SGIP1: variants seen among roughly 807,000 people sequenced by gnomAD.
SGIP1 encodes SH3GL interacting endocytic adaptor 1, also known as SH3-containing GRB2-like protein 3-interacting protein 1.
Under a neutral mutation model 107.5 loss-of-function variants are expected in SGIP1, and 38 were observed. The observed-to-expected ratio is 0.35, with a 90% CI of 0.27 to 0.46. SGIP1 has a LOEUF of 0.46. Ranked by LOEUF, SGIP1 falls within the 20% of genes least tolerant of loss-of-function variation. SGIP1 has a pLI of 1.00. For missense variants in SGIP1, 929 were observed against 1,019.5 expected, an observed-to-expected ratio of 0.91 and a Z score of 1.21; for synonymous variants, 365 against 366.1, an observed-to-expected ratio of 1.00 and a Z score of 0.03.
At chr1:66,739,231 C>T (rs1055062555) in intron 21 of SGIP1, 104 bp from the exon 22 acceptor site, 4 of 1,289,000 alleles carry the variant, frequency 3.1e-6, no homozygotes, top group Non-Finnish European at 4.3e-6. Flanking sequence ...GTGCCTCTCA[C>T]TCACGGTTGC....
At chr1:66,674,688 A>G (rs1571638245) in intron 12 of SGIP1, among the ~76,000 whole-genome samples, 1 of 152,220 alleles carries the variant, frequency 6.6e-6, no homozygotes, top group South Asian at 2.1e-4. Context: ...TGTTACTTTT[A>G]TCTCTGGCTC....
At chr1:66,601,107 T>C (rs2065714907) in intron 1 of SGIP1, among the ~76,000 whole-genome samples, 1 of 152,156 alleles carries the variant, frequency 6.6e-6, no homozygotes, top group Non-Finnish European at 1.5e-5. Context: ...CTCACGCCTG[T>C]AATCCCAGCA....
chr1:66,673,216 A>C, intron 11 of SGIP1, 65 bp from the exon 12 acceptor site: 1 of 1,487,796 alleles, frequency 6.7e-7, no homozygotes, highest in Non-Finnish European at 9.4e-7. Flanking sequence ...GAAAGCTTGT[A>C]TATCTTTTTG....
chr1:66,735,403 C>T (rs1171872488), intron 21 of SGIP1, among the ~76,000 whole-genome samples: 9 of 151,756 alleles, frequency 5.9e-5, no homozygotes, highest in South Asian at 2.1e-4. Context: ...TCGATAGAGA[C>T]GGGGTTTCAC....
chr1:66,637,785 ATATGCATGTGTGTG>A (rs1422100872), intron 4 of SGIP1, among the ~76,000 whole-genome samples: 1 of 150,600 alleles, frequency 6.6e-6, no homozygotes, highest in Non-Finnish European at 1.5e-5. Context: ...CTATTTATAT[ATATGCATGTGTGTG>A]TATGTATGTG....
intron 1 of SGIP1, among the ~76,000 whole-genome samples, chr1:66,564,641 C>T (rs2059407873): frequency 6.6e-6 from 1 of 151,896 alleles, no homozygotes; most frequent in African/African-American, 2.4e-5. Flanking sequence ...ACAATACAAG[C>T]AGGAAATCAT....
intron 8 of SGIP1, among the ~76,000 whole-genome samples, chr1:66,660,860 T>C (rs567608228): frequency 6.6e-6 from 1 of 152,352 alleles, no homozygotes; most frequent in South Asian, 2.1e-4. Context: ...CTTATACATA[T>C]CATGAGCTAA....
rs182226253 is a variant in SGIP1 at position 66,743,258 on chromosome 1, A to G, written c.*163A>G. The stretch of plus-strand genomic sequence containing the variant: ...TCTGTGATTTCCCTCACACACTACC[A>G]TGATGACCAGTCCTACAGTATTTAC... On this transcript the variant is annotated 3_prime_UTR_variant, in exon 25 of 25. Transcript: ENST00000371037. The G allele has an allele frequency of 9.3e-5, 58 of 620,800 alleles. No homozygotes were observed. The highest frequency in any genetic ancestry group is 5.6e-4 in the South Asian group (30 of 53,502). The allele number at this position is 620,800 out of a possible 1,614,324, so 38.5% of individuals were successfully genotyped here. A position where few individuals can be genotyped will look rare whatever the true frequency, so the allele number is the denominator to read the frequency against.
rs528323454 is a variant in SGIP1, at chr1:66,731,650, G to A, written c.1899-2098G>A. Among the ~76,000 whole-genome samples, 16 of 152,022 alleles carry A rather than the reference G, an allele frequency of 1.1e-4. No homozygotes were observed. The South Asian group carries it at 2.3e-3, about 22-fold the overall frequency. On this transcript the variant is annotated intron_variant, in intron 20 of 24. Coordinates refer to ENST00000371037, the MANE Select transcript of SGIP1 (RefSeq NM_032291.4). ...AGTCATCTATAGACTCTTTAGTTTC[G>A]TTATGCAGTGCCACTCCACTACCTC...
At chr1:66,663,611 C>T (rs1262423686) in intron 8 of SGIP1, among the ~76,000 whole-genome samples, 1 of 152,028 alleles carries the variant, frequency 6.6e-6, no homozygotes, top group East Asian at 1.9e-4. Flanking sequence ...GACCTTGAGG[C>T]TTTCTGGGTC....
At chr1:66,559,779 C>T (rs2058672027) in intron 1 of SGIP1, among the ~76,000 whole-genome samples, 1 of 152,050 alleles carries the variant, frequency 6.6e-6, no homozygotes, top group South Asian at 2.1e-4. Context: ...CACTTCATGT[C>T]GCTGGTCTGT....
intron 1 of SGIP1, among the ~76,000 whole-genome samples, chr1:66,585,418 C>A (rs1055449308): frequency 6.6e-6 from 1 of 152,080 alleles, no homozygotes; most frequent in Non-Finnish European, 1.5e-5. Flanking sequence ...CATGTCAGAA[C>A]GTTTCCTTCT....
At chr1:66,703,308 T>C (rs1315055941) in intron 18 of SGIP1, among the ~76,000 whole-genome samples, 3 of 152,146 alleles carry the variant, frequency 2.0e-5, no homozygotes, top group Non-Finnish European at 4.4e-5. Flanking sequence ...TGCAAAAATG[T>C]TCTAGTAGGG....
At chr1:66,537,771 A>G (rs1231085366) in intron 1 of SGIP1, among the ~76,000 whole-genome samples, 1 of 152,120 alleles carries the variant, frequency 6.6e-6, no homozygotes, top group African/African-American at 2.4e-5. Flanking sequence ...AACTAAGTAT[A>G]TTGTATATAC....
At position 66,749,402 on chromosome 1, in the gene SGIP1, T is replaced by A. The variant is rs2094595062; in HGVS notation, c.*6307T>A. Among the ~76,000 whole-genome samples, 1 of 151,902 alleles carries A rather than the reference T, an allele frequency of 6.6e-6. No homozygotes were observed. Among genetic ancestry groups the A allele is most frequent in the African/African-American group, 2.4e-5 (1 of 41,416 alleles). On this transcript the variant is annotated 3_prime_UTR_variant, in exon 25 of 25. Transcript: ENST00000371037. Reference sequence around the variant, plus strand: ...GAGCAGTGCACTGTTTAGCACAGATTTTGTGAGATTCTATACTCTTTTAAT... The same window carrying A: ...GAGCAGTGCACTGTTTAGCACAGATATTGTGAGATTCTATACTCTTTTAAT...
rs540301594 is a variant in SGIP1, at chr1:66,564,560, CTG to C, written c.10+30196_10+30197del. On this transcript the variant is annotated intron_variant, in intron 1 of 24. Coordinates refer to ENST00000371037, the MANE Select transcript of SGIP1 (RefSeq NM_032291.4). ...GTGATTCTTGAGATAGTTAGGATGT[CTG>C]TGTCATCTGCCATTTCCTCTTTACA... is the stretch of plus-strand genomic sequence containing the variant. 1.9e-4 allele frequency among the ~76,000 whole-genome samples: 29 copies of C among 152,032 alleles called. No homozygotes were observed. In the East Asian group the frequency reaches 5.3e-3, roughly 28 times the overall value.
chr1:66,544,958 C>A (rs1373433876), intron 1 of SGIP1, among the ~76,000 whole-genome samples: 1 of 152,118 alleles, frequency 6.6e-6, no homozygotes, highest in Non-Finnish European at 1.5e-5. Context: ...AAGCTAGAGT[C>A]ACTGCTTGGA....
intron 1 of SGIP1, among the ~76,000 whole-genome samples, chr1:66,606,015 G>A (rs562727371): frequency 1.3e-5 from 2 of 152,172 alleles, no homozygotes; most frequent in Non-Finnish European, 1.5e-5. Context: ...TTTCATCTGG[G>A]GAAGATCTGA....
At chr1:66,681,428 A>C (rs2086668348) in intron 14 of SGIP1, among the ~76,000 whole-genome samples, 1 of 152,228 alleles carries the variant, frequency 6.6e-6, no homozygotes, top group Admixed American at 6.5e-5. Flanking sequence ...TTGACTTCTC[A>C]ATTCTTATAT....
Sources: gnomAD v4.1 joint callset for allele counts (sites outside exome capture counted in the v4.1 genomes callset) on GRCh38, gnomAD v4.1.1 for gene constraint, MANE v1.5 for transcripts, NCBI Gene and HGNC (gene_info 2026-07-23, HGNC 2026-07-21) for gene names.